The following DPYD variants were observed in gnomAD, a reference collection of about 807,000 sequenced individuals.
DPYD encodes the protein dihydropyrimidine dehydrogenase [NADP(+)].
DPYD carries 109 observed loss-of-function variants against 116.2 expected under a neutral mutation model. The observed-to-expected ratio is 0.94, with a 90% CI of 0.80 to 1.10. DPYD has a LOEUF of 1.10. Ranked by LOEUF, DPYD falls within the 50% of genes least tolerant of loss-of-function variation. The pLI, the probability that DPYD is intolerant of heterozygous loss-of-function variation, is 0.00. For missense variants in DPYD, 1,302 were observed against 1,254.5 expected (o/e 1.04, Z -0.57); for synonymous variants, 440 against 432.0 (o/e 1.02, Z -0.23).
At chr1:97,842,557 G>A (rs570938991) in intron 2 of DPYD, among the ~76,000 whole-genome samples, 8 of 152,034 alleles carry the variant, frequency 5.3e-5, no homozygotes, top group Non-Finnish European at 1.0e-4. Context: ...GTTGCATAAT[G>A]ATTCTACTAA....
At chr1:97,152,707 AATT>A (rs1655125390) in intron 20 of DPYD, among the ~76,000 whole-genome samples, 1 of 151,232 alleles carries the variant, frequency 6.6e-6, no homozygotes, top group South Asian at 2.1e-4. Flanking sequence ...TGATATATAT[AATT>A]ATCATATTTA....
chr1:97,379,586 C>G (rs993341168), intron 15 of DPYD, among the ~76,000 whole-genome samples: 31 of 152,180 alleles, frequency 2.0e-4, no homozygotes, highest in African/African-American at 7.5e-4. Flanking sequence ...TCCACTGAGC[C>G]TGTCAAAGTG....
chr1:97,323,570 CGT>C (rs1195162880), intron 16 of DPYD, among the ~76,000 whole-genome samples: 2 of 92,686 alleles, frequency 2.2e-5, no homozygotes, highest in African/African-American at 4.2e-5. Flanking sequence ...TATATATACA[CGT>C]ATATATACAT....
chr1:97,510,968 A>G (rs1647751686), intron 13 of DPYD, among the ~76,000 whole-genome samples: 1 of 151,908 alleles, frequency 6.6e-6, no homozygotes, highest in South Asian at 2.1e-4. Flanking sequence ...CTCCGCAATT[A>G]TAGCAATCCC....
At chr1:97,897,804 CTG>C (rs1673156267) in intron 1 of DPYD, among the ~76,000 whole-genome samples, 1 of 151,820 alleles carries the variant, frequency 6.6e-6, no homozygotes, top group Admixed American at 6.6e-5. Context: ...AATTTAACAT[CTG>C]TGTCGGCTTT....
At chr1:97,279,962 C>T (rs1374144535) in intron 18 of DPYD, 3 of 152,160 alleles carry the variant, frequency 2.0e-5, no homozygotes, top group Non-Finnish European at 4.4e-5. Flanking sequence ...CAGAAAGGCA[C>T]ATTGCTTTCA....
intron 11 of DPYD, among the ~76,000 whole-genome samples, chr1:97,555,452 C>A (rs1426601385): frequency 6.6e-6 from 1 of 152,078 alleles, no homozygotes; most frequent in Non-Finnish European, 1.5e-5. Flanking sequence ...ATCATCACAT[C>A]CAAAACTCAG....
intron 3 of DPYD, among the ~76,000 whole-genome samples, chr1:97,767,009 G>T (rs944136255): frequency 4.6e-5 from 7 of 152,102 alleles, no homozygotes; most frequent in African/African-American, 1.7e-4. Context: ...AGCAAAGGCA[G>T]GATTTAAGAA....
intron 8 of DPYD, among the ~76,000 whole-genome samples, chr1:97,642,696 A>T (rs1658000833): frequency 1.5e-5 from 2 of 130,176 alleles, no homozygotes; most frequent in African/African-American, 5.8e-5. Flanking sequence ...ACACATGGAC[A>T]CAGGAAGGGG....
intron 5 of DPYD, among the ~76,000 whole-genome samples, chr1:97,717,240 C>A (rs974952221): frequency 1.3e-5 from 2 of 151,782 alleles, no homozygotes; most frequent in African/African-American, 2.4e-5. Context: ...TATGCTGATA[C>A]GACAAGGATT....
chr1:97,902,317 C>T (rs961690323), intron 1 of DPYD, among the ~76,000 whole-genome samples: 2 of 151,718 alleles, frequency 1.3e-5, no homozygotes, highest in African/African-American at 4.8e-5. Context: ...CTCCTGAATA[C>T]TTTGAATTAT....
intron 18 of DPYD, among the ~76,000 whole-genome samples, chr1:97,288,626 C>A (rs1665905297): frequency 6.7e-6 from 1 of 148,468 alleles, no homozygotes; most frequent in Non-Finnish European, 1.5e-5. Context: ...TAAAGATGTT[C>A]TTTGAAACCA....
chr1:97,100,767 A>T (rs1196195269), intron 20 of DPYD, among the ~76,000 whole-genome samples: 1 of 152,110 alleles, frequency 6.6e-6, no homozygotes, highest in African/African-American at 2.4e-5. Context: ...AACCATAATG[A>T]TTTCAAATTA....
rs1390586001 is a variant in DPYD at position 97,078,947 on chromosome 1, A to C, written c.*29T>G. ...GATCAGCATATGTAGGTGACATGAA[A>C]GTTCACAGCAACTGTTTCACAAATC... On this transcript the variant is annotated 3_prime_UTR_variant, in exon 23 of 23. Transcript: ENST00000370192. 1 of 1,612,986 alleles carries C rather than the reference A, an allele frequency of 6.2e-7. No individual in the cohort carries two copies. Among genetic ancestry groups the C allele is most frequent in the Non-Finnish European group, 8.5e-7 (1 of 1,179,062 alleles).
At chr1:97,632,457 C>T (rs149437833) in intron 8 of DPYD, among the ~76,000 whole-genome samples, 56 of 152,200 alleles carry the variant, frequency 3.7e-4, no homozygotes, top group African/African-American at 1.3e-3. Context: ...AGTCATACTA[C>T]TACTGATATA....
intron 16 of DPYD, among the ~76,000 whole-genome samples, chr1:97,308,928 C>CA (rs1326442505): frequency 1.3e-5 from 2 of 151,614 alleles, no homozygotes; most frequent in Non-Finnish European, 2.9e-5. Flanking sequence ...AGAAGGAAAA[C>CA]AAAAAACAAT....
chr1:97,822,369 A>G (rs1167393031), intron 3 of DPYD, among the ~76,000 whole-genome samples: 2 of 147,962 alleles, frequency 1.4e-5, no homozygotes, highest in African/African-American at 2.5e-5. Context: ...TAAATATTGT[A>G]AAATTCTAAA....
intron 11 of DPYD, among the ~76,000 whole-genome samples, chr1:97,572,411 G>A (rs1377206639): frequency 6.6e-6 from 1 of 151,824 alleles, no homozygotes; most frequent in Non-Finnish European, 1.5e-5. Context: ...GTTTGTTTAG[G>A]AAAATATAAT....
intron 16 of DPYD, among the ~76,000 whole-genome samples, chr1:97,328,227 A>G (rs1163160294): frequency 6.6e-6 from 1 of 152,208 alleles, no homozygotes; most frequent in Non-Finnish European, 1.5e-5. Flanking sequence ...TATGTTATTC[A>G]TAATAGAATT....
Sources: allele counts gnomAD v4.1 joint callset (sites outside exome capture counted in the v4.1 genomes callset), GRCh38; gene constraint gnomAD v4.1.1; transcripts MANE v1.5; gene names NCBI Gene and HGNC (gene_info 2026-07-23, HGNC 2026-07-21).